The following C17orf113 variants were observed in gnomAD, a reference collection of about 807,000 sequenced individuals.
The protein encoded by C17orf113 is uncharacterized protein C17orf113.
In C17orf113, 5 loss-of-function variants were observed where a neutral mutation model predicts 11.6. That is an observed-to-expected ratio of 0.43 (90% CI 0.23 to 0.91). C17orf113 has a LOEUF of 0.91. Ranked by LOEUF, C17orf113 falls within the 40% of genes least tolerant of loss-of-function variation. The pLI is 0.26. For missense variants in C17orf113, 714 were observed against 841.3 expected (o/e 0.85, Z 1.87); for synonymous variants, 327 against 390.6 (o/e 0.84, Z 1.92).
chr17:42,043,096 C>T lies in C17orf113; in HGVS notation c.281G>A (p.Gly94Asp), dbSNP rs1224502276. 4.9e-6 allele frequency: 6 copies of T among 1,232,130 alleles called. No homozygotes were observed. Among genetic ancestry groups the T allele is most frequent in the Non-Finnish European group, 6.1e-6 (6 of 988,022 alleles). 76.3% of individuals were successfully genotyped at this position (1,232,130 alleles called of 1,614,324 possible). The change falls in exon 2 of 3, where the codon GGC becomes GAC. Residue 94 changes from glycine to aspartate, a missense_variant. Around this residue, in one of 3 missense-constraint regions of C17orf113, gnomAD observed 516 missense variants for 626.6 expected, o/e 0.82. Coordinates refer to ENST00000587304, the MANE Select transcript of C17orf113 (RefSeq NM_001358661.2). ...AHRQALAVNQ[G>D]QPPFEGQAEG... ...AGCCTGGCCCTCAAAAGGGGGCTGG[C>T]CCTGGTTGACAGCCAGAGCCTGGCG... is the stretch of plus-strand genomic sequence containing the variant.
chr17:42,040,224 C>T lies in C17orf113; in HGVS notation c.1509G>A (p.Gln503=). 2 of 1,231,576 alleles carry T rather than the reference C, an allele frequency of 1.6e-6. No homozygotes were observed. The highest frequency in any genetic ancestry group is 2.0e-6 in the Non-Finnish European group (2 of 987,828). 76.3% of individuals were successfully genotyped at this position (1,231,576 alleles called of 1,614,324 possible). The change falls in exon 3 of 3, where the codon CAG becomes CAA. Residue 503 remains glutamine (Q), a synonymous_variant. Coordinates refer to ENST00000587304, the MANE Select transcript of C17orf113 (RefSeq NM_001358661.2). ...SFLDSMRKGL[Q]DSYPGPSLDA... ...CCAGCGAAGGCCCGGGGTAGGAGTC[C>T]TGTAGGCCCTTCCGCATGGAGTCCA...
intron 1 of C17orf113, among the ~76,000 whole-genome samples, chr17:42,045,296 C>T (rs1321469583): frequency 6.6e-6 from 1 of 152,202 alleles, no homozygotes. Flanking sequence ...TGTGATCCGC[C>T]CGTCTCGGCC....
intron 1 of C17orf113, among the ~76,000 whole-genome samples, chr17:42,047,676 CAG>C (rs1288522114): frequency 1.3e-5 from 2 of 151,398 alleles, no homozygotes; most frequent in Non-Finnish European, 2.9e-5. Context: ...TTTTTCGAGA[CAG>C]AGTCTTGCTC....
At chr17:42,042,400 T>C (rs2053045705) in intron 2 of C17orf113, among the ~76,000 whole-genome samples, 1 of 152,076 alleles carries the variant, frequency 6.6e-6, no homozygotes, top group Non-Finnish European at 1.5e-5. Flanking sequence ...CACATGCCTA[T>C]ATTCCTAGCT....
chr17:42,044,724 A>G (rs1318226919), intron 1 of C17orf113, among the ~76,000 whole-genome samples: 1 of 152,056 alleles, frequency 6.6e-6, no homozygotes, highest in Non-Finnish European at 1.5e-5. Context: ...ACAGGTGAAC[A>G]CACACTCACA....
rs1186310999 is a variant in C17orf113, at chr17:42,040,186, G to A, written c.1547C>T (p.Ala516Val). 1 of 1,231,458 alleles carries A rather than the reference G, an allele frequency of 8.1e-7. No homozygotes were observed. Among genetic ancestry groups the A allele is most frequent in the Non-Finnish European group, 1.0e-6 (1 of 987,850 alleles). 76.3% of individuals were successfully genotyped at this position (1,231,458 alleles called of 1,614,324 possible). Residue 516 changes from alanine (A) to valine (V), a missense_variant, in exon 3 of 3, where the codon GCC (alanine) becomes GTC (valine). Physicochemically the swap from Ala to Val is moderately conservative, Grantham distance 64 (BLOSUM62 0). Around this residue, in one of 3 missense-constraint regions of C17orf113, gnomAD observed 4 missense variants for 17.5 expected, o/e 0.23. Transcript: ENST00000587304. ...YPGPSLDAVA[A>V]FAAIFDPRRY... ...TCGGGGGTCGAAGATCGCTGCGAAGGCGGCCACGGCGTCCAGCGAAGGCCC... is the reference window on the plus strand; with the variant it reads ...TCGGGGGTCGAAGATCGCTGCGAAGACGGCCACGGCGTCCAGCGAAGGCCC...
chr17:42,041,494 G>A (rs1420822332), intron 2 of C17orf113, among the ~76,000 whole-genome samples: 1 of 152,112 alleles, frequency 6.6e-6, no homozygotes, highest in Non-Finnish European at 1.5e-5. Context: ...ATACCAGCCC[G>A]AAATCTTCTC....
chr17:42,039,650 G>A lies in C17orf113; in HGVS notation c.*55C>T. 1 of 1,223,918 alleles carries A rather than the reference G, an allele frequency of 8.2e-7. No homozygotes were observed. The highest frequency in any genetic ancestry group is 3.1e-4 in the Middle Eastern group (1 of 3,194). The allele number at this position is 1,223,918 out of a possible 1,614,324, so 75.8% of individuals were successfully genotyped here. A position where few individuals can be genotyped will look rare whatever the true frequency, so the allele number is the denominator to read the frequency against. On this transcript the variant is annotated 3_prime_UTR_variant, in exon 3 of 3. Coordinates refer to ENST00000587304, the MANE Select transcript of C17orf113 (RefSeq NM_001358661.2). ...GTGCAGCATGGTCAAGTCTAGGTTGGCCCTTACAGTGCCCAGGGCCCCAGG... is the reference window on the plus strand; with the variant it reads ...GTGCAGCATGGTCAAGTCTAGGTTGACCCTTACAGTGCCCAGGGCCCCAGG...
chr17:42,042,180 T>C (rs1361017283), intron 2 of C17orf113, among the ~76,000 whole-genome samples: 2 of 151,978 alleles, frequency 1.3e-5, no homozygotes, highest in African/African-American at 4.8e-5. Context: ...AAGACCAGCC[T>C]GGGCAACATA....
chr17:42,040,469 C>A lies in C17orf113; in HGVS notation c.1264G>T (p.Glu422Ter). Residue 422 changes from glutamate (E) to a stop codon, truncating the protein, a stop_gained, in exon 3 of 3, where the codon GAG (glutamate) becomes TAG (stop). Coordinates refer to ENST00000587304, the MANE Select transcript of C17orf113 (RefSeq NM_001358661.2). LOFTEE classifies it low-confidence loss of function (END_TRUNC). ...GGCTGCAGCAAGGCCAAGTCCGGCTCTTCTGCCTGCAGGACAAGGGAGAGC... is the reference window on the plus strand; with the variant it reads ...GGCTGCAGCAAGGCCAAGTCCGGCTATTCTGCCTGCAGGACAAGGGAGAGC... ...QKLSLVLQAE[E>*]PDLALLQPLV... The A allele has an allele frequency of 1.6e-6, 2 of 1,232,266 alleles. No individual in the cohort carries two copies. Among genetic ancestry groups the A allele is most frequent in the African/African-American group, 3.1e-5 (2 of 64,562 alleles). 76.3% of individuals were successfully genotyped at this position (1,232,266 alleles called of 1,614,324 possible). A position where few individuals can be genotyped will look rare whatever the true frequency, so the allele number is the denominator to read the frequency against.
chr17:42,049,114 C>T (rs1247341565), intron 1 of C17orf113, among the ~76,000 whole-genome samples: 1 of 152,116 alleles, frequency 6.6e-6, no homozygotes, highest in Non-Finnish European at 1.5e-5. Flanking sequence ...CTCTGGGTTC[C>T]TCCAGAGTGC....
At chr17:42,041,898 C>T (rs1457474142) in intron 2 of C17orf113, among the ~76,000 whole-genome samples, 1 of 152,196 alleles carries the variant, frequency 6.6e-6, no homozygotes, top group African/African-American at 2.4e-5. Context: ...CCAGAGGGAA[C>T]ACCCTGCTCT....
intron 2 of C17orf113, among the ~76,000 whole-genome samples, chr17:42,042,225 A>C (rs1039270504): frequency 6.6e-6 from 1 of 152,112 alleles, no homozygotes; most frequent in Non-Finnish European, 1.5e-5. Flanking sequence ...AAAAAACCAA[A>C]AAACAAAAAA....
chr17:42,039,570 G>A lies in C17orf113; in HGVS notation c.*135C>T. 1 of 811,738 alleles carries A rather than the reference G, an allele frequency of 1.2e-6. No homozygotes were observed. The highest frequency in any genetic ancestry group is 6.5e-5 in the South Asian group (1 of 15,316). 50.3% of individuals were successfully genotyped at this position (811,738 alleles called of 1,614,324 possible). On this transcript the variant is annotated 3_prime_UTR_variant, in exon 3 of 3. Transcript: ENST00000587304. ...GGGGGGTTGGTGGGAAGCTCCAGAAGGGCGGGTGGATGGCCTCAGGCCCCT... is the reference window on the plus strand; with the variant it reads ...GGGGGGTTGGTGGGAAGCTCCAGAAAGGCGGGTGGATGGCCTCAGGCCCCT...
At chr17:42,041,349 G>A (rs1164182094) in intron 2 of C17orf113, among the ~76,000 whole-genome samples, 160 bp from the exon 3 acceptor site, 1 of 152,064 alleles carries the variant, frequency 6.6e-6, no homozygotes, top group African/African-American at 2.4e-5. Context: ...TGCTACCTTC[G>A]GCCAGTCACT....
intron 1 of C17orf113, among the ~76,000 whole-genome samples, chr17:42,045,330 C>T (rs2053135668): frequency 6.6e-6 from 1 of 152,270 alleles, no homozygotes; most frequent in Non-Finnish European, 1.5e-5. Flanking sequence ...GGATTACAGG[C>T]GTGCGCCACC....
In C17orf113 at chr17:42,044,971, G is replaced by A. The variant is rs188289505; in HGVS notation, c.-187-1408C>T. Among the ~76,000 whole-genome samples, 302 of 148,172 alleles carry A rather than the reference G, an allele frequency of 2.0e-3. 1 individual carries two copies. The highest frequency in any genetic ancestry group is 7.1e-3 in the African/African-American group (286 of 40,266). ...CTCACTCTGTGGCCCAGGCTGGAGT[G>A]CAGTGGCGCAATCTTGGCTCACTGC... On this transcript the variant is annotated intron_variant, in intron 1 of 2. Coordinates refer to ENST00000587304, the MANE Select transcript of C17orf113 (RefSeq NM_001358661.2).
Position 42,038,619 on chromosome 17 carries a change from A to T in C17orf113, c.*1086T>A, listed in dbSNP as rs1313015793. On this transcript the variant is annotated 3_prime_UTR_variant, in exon 3 of 3. Transcript: ENST00000587304. ...GAGGAAGAAAATATCAGAAAAAAAA[A>T]AAAATCCAGCCCATCTGGGGCTTTT... The T allele has an allele frequency of 6.6e-6, 1 of 152,502 alleles. No individual in the cohort carries two copies. Among genetic ancestry groups the T allele is most frequent in the African/African-American group, 2.4e-5 (1 of 41,478 alleles). The allele number at this position is 152,502 out of a possible 1,614,324, so 9.4% of individuals were successfully genotyped here.
rs1598185144 is a variant in C17orf113, at chr17:42,041,012, C to G, written c.721G>C (p.Glu241Gln). The change falls in exon 3 of 3, where the codon GAG (glutamate) becomes CAG (glutamine). Residue 241 changes from glutamate (E) to glutamine (Q), a missense_variant. Around this residue, in one of 3 missense-constraint regions of C17orf113, gnomAD observed 516 missense variants for 626.6 expected, o/e 0.82. Coordinates refer to ENST00000587304, the MANE Select transcript of C17orf113 (RefSeq NM_001358661.2). Reference protein sequence around the residue: ...QPATTFLGSVELQEGEATAGQ... With the variant: ...QPATTFLGSVQLQEGEATAGQ... The stretch of plus-strand genomic sequence containing the variant: ...GCAGTGGCCTCGCCCTCCTGTAGCT[C>G]CACACTGCCCAGGAAGGTGGTGGCG... 8.9e-6 allele frequency: 11 copies of G among 1,232,332 alleles called. No individual in the cohort carries two copies. The East Asian group carries it at 3.5e-4, about 39-fold the overall frequency. The allele number at this position is 1,232,332 out of a possible 1,614,324, so 76.3% of individuals were successfully genotyped here. A position where few individuals can be genotyped will look rare whatever the true frequency, so the allele number is the denominator to read the frequency against.
Sources: allele counts gnomAD v4.1 joint callset (sites outside exome capture counted in the v4.1 genomes callset), GRCh38; gene constraint gnomAD v4.1.1; regional missense constraint gnomAD v4.1.1; transcripts MANE v1.5; gene names NCBI Gene and HGNC (gene_info 2026-07-23, HGNC 2026-07-21).